Variants in AK4 observed in about 807,000 individuals in gnomAD.
The protein encoded by AK4 is adenylate kinase 4, mitochondrial.
A neutral mutation model predicts 24.6 loss-of-function variants in AK4; 13 were observed. The observed-to-expected ratio is 0.53, with a 90% CI of 0.34 to 0.84. AK4 has a LOEUF of 0.84. Among genes scored for constraint, AK4 ranks in the 40% least tolerant of loss-of-function variants. AK4 has a pLI of 0.01. For synonymous variants in AK4, 88 were observed against 107.0 expected, an observed-to-expected ratio of 0.82 and a Z score of 1.10; for missense variants, 192 against 288.2, an observed-to-expected ratio of 0.67 and a Z score of 2.42.
chr1:65,225,333 AG>A (rs1652420625), intron 4 of AK4, among the ~76,000 whole-genome samples: 1 of 152,184 alleles, frequency 6.6e-6, no homozygotes, highest in Admixed American at 6.5e-5. Flanking sequence ...TGCAGGGGCT[AG>A]GGCAGGTATT....
chr1:65,220,757 C>T (rs896790410), intron 3 of AK4, among the ~76,000 whole-genome samples: 6 of 152,118 alleles, frequency 3.9e-5, no homozygotes, highest in African/African-American at 9.7e-5. Context: ...ATGACAGGTA[C>T]GAGCCACTGC....
chr1:65,166,397 C>A (rs993250642), intron 1 of AK4, among the ~76,000 whole-genome samples: 14 of 151,662 alleles, frequency 9.2e-5, no homozygotes, highest in African/African-American at 3.1e-4. Flanking sequence ...TGTAAACCCC[C>A]TATTAGTTGT....
At chr1:65,190,370 C>T (rs1418949649) in intron 1 of AK4, among the ~76,000 whole-genome samples, 1 of 150,940 alleles carries the variant, frequency 6.6e-6, no homozygotes, top group Non-Finnish European at 1.5e-5. Flanking sequence ...TTAAGTGATC[C>T]TCCCACCTCA....
At chr1:65,206,593 GCA>G (rs1191938659) in intron 2 of AK4, among the ~76,000 whole-genome samples, 4 of 152,302 alleles carry the variant, frequency 2.6e-5, no homozygotes, top group African/African-American at 4.8e-5. Context: ...ACGTGCGTGC[GCA>G]CACACACAAA....
intron 3 of AK4, among the ~76,000 whole-genome samples, chr1:65,223,859 T>G (rs1652371241): frequency 6.6e-6 from 1 of 152,090 alleles, no homozygotes; most frequent in Non-Finnish European, 1.5e-5. Flanking sequence ...TAGCTGGGCA[T>G]GGTGGCAGGC....
intron 2 of AK4, among the ~76,000 whole-genome samples, chr1:65,207,590 T>C (rs771896447): frequency 2.6e-5 from 4 of 151,620 alleles, no homozygotes; most frequent in African/African-American, 4.9e-5. Context: ...CATTTTAGGT[T>C]TAGGGGATAC....
At position 65,173,944 on chromosome 1, in the gene AK4, G is replaced by A. The variant is rs11208602; in HGVS notation, c.146-16766G>A. Reference sequence around the variant, plus strand: ...GGGGATTAGAGTCTGGCACAAGGAAGTTGACATGGCATGTTAGACACCGGT... The same window carrying A: ...GGGGATTAGAGTCTGGCACAAGGAAATTGACATGGCATGTTAGACACCGGT... On this transcript the variant is annotated intron_variant, in intron 1 of 4. Transcript: ENST00000327299. 2.0e-5 allele frequency among the ~76,000 whole-genome samples: 3 copies of A among 151,754 alleles called. No homozygotes were observed. The East Asian group carries it at 5.8e-4, about 29-fold the overall frequency.
chr1:65,198,232 A>G lies in AK4; in HGVS notation c.265+7403A>G, dbSNP rs137996537. 2.6e-3 allele frequency among the ~76,000 whole-genome samples: 394 copies of G among 152,306 alleles called. 1 individual carries two copies. Among genetic ancestry groups the G allele is most frequent in the African/African-American group, 8.7e-3 (363 of 41,566 alleles). On this transcript the variant is annotated intron_variant, in intron 2 of 4. Coordinates refer to ENST00000327299, the MANE Select transcript of AK4 (RefSeq NM_013410.4). Reference sequence around the variant, plus strand: ...AAAGCAATTGTGGTGATTTCTAAAGAATGAAGAATAGTTGTAAAATTTGTG... The same window carrying G: ...AAAGCAATTGTGGTGATTTCTAAAGGATGAAGAATAGTTGTAAAATTTGTG...
chr1:65,161,981 T>C (rs1329041555), intron 1 of AK4, among the ~76,000 whole-genome samples: 1 of 152,042 alleles, frequency 6.6e-6, no homozygotes. Flanking sequence ...GGCACGGTGG[T>C]TCACACCTGT....
At position 65,169,632 on chromosome 1, in the gene AK4, G is replaced by A. The variant is rs552267568; in HGVS notation, c.146-21078G>A. On this transcript the variant is annotated intron_variant, in intron 1 of 4. Transcript: ENST00000327299. ...GTCCCCCAGTGAAAAGTTTAAGGGG[G>A]CACCAAAAACACTCAGTAATCAAGA... Among the ~76,000 whole-genome samples, 55 of 152,198 alleles carry A rather than the reference G, an allele frequency of 3.6e-4. No homozygotes were observed. In the Middle Eastern group the frequency reaches 0.014, roughly 38 times the overall value.
chr1:65,157,399 A>T (rs1228722907), intron 1 of AK4, among the ~76,000 whole-genome samples: 1 of 152,154 alleles, frequency 6.6e-6, no homozygotes, highest in Non-Finnish European at 1.5e-5. Context: ...GGCTTGTGGG[A>T]TGCAAAGAGG....
intron 2 of AK4, among the ~76,000 whole-genome samples, chr1:65,215,176 C>CTTTT (rs1553127383): frequency 8.7e-6 from 1 of 114,634 alleles, no homozygotes; most frequent in Non-Finnish European, 2.0e-5. Context: ...TTCTTTCTTT[C>CTTTT]TTTTTTTTTT....
intron 3 of AK4, among the ~76,000 whole-genome samples, chr1:65,219,147 T>C (rs1652221915): frequency 6.6e-6 from 1 of 151,736 alleles, no homozygotes. Flanking sequence ...AATCAAAATA[T>C]AAAAATTTTT....
At chr1:65,160,299 T>G (rs1186181972) in intron 1 of AK4, among the ~76,000 whole-genome samples, 3 of 152,214 alleles carry the variant, frequency 2.0e-5, no homozygotes, top group African/African-American at 7.2e-5. Context: ...AAGATGAAGG[T>G]GCTGGCAGGT....
intron 1 of AK4, among the ~76,000 whole-genome samples, 199 bp from the exon 2 acceptor site, chr1:65,190,511 T>C (rs1651271452): frequency 6.6e-6 from 1 of 152,106 alleles, no homozygotes; most frequent in African/African-American, 2.4e-5. Flanking sequence ...TTATAATTTT[T>C]TGGGAGATAA....
intron 2 of AK4, among the ~76,000 whole-genome samples, chr1:65,206,727 T>G (rs1311777157): frequency 6.6e-6 from 1 of 152,228 alleles, no homozygotes; most frequent in Non-Finnish European, 1.5e-5. Flanking sequence ...TGCAGTGAGC[T>G]ATGATCGCAT....
At chr1:65,181,868 C>G (rs1190983274) in intron 1 of AK4, among the ~76,000 whole-genome samples, 3 of 152,140 alleles carry the variant, frequency 2.0e-5, no homozygotes, top group Non-Finnish European at 2.9e-5. Flanking sequence ...GTTTCTCTGA[C>G]ACTTAGGGAA....
At position 65,226,104 on chromosome 1, in the gene AK4, A is replaced by T. The variant is rs754855850; in HGVS notation, c.599A>T (p.Asn200Ile). 1.9e-6 allele frequency: 3 copies of T among 1,611,626 alleles called. No individual in the cohort carries two copies. The African/African-American group carries it at 4.0e-5, about 22-fold the overall frequency. ...CACCAATTTTCCGGAACGGAGACGA[A>T]CAAAATCTGGCCCTACGTTTACACA... The part of the protein sequence containing the change: ...VLHQFSGTET[N>I]KIWPYVYTLF... Residue 200 changes from asparagine (N) to isoleucine (I), a missense_variant, in exon 5 of 5, where the codon AAC (asparagine) becomes ATC (isoleucine). Physicochemically the swap from Asn to Ile is moderately radical, Grantham distance 149 (BLOSUM62 -3). Transcript: ENST00000327299.
Position 65,227,029 on chromosome 1 carries a change from A to C in AK4, c.*852A>C, listed in dbSNP as rs1363561562. The C allele has an allele frequency of 2.1e-5, 3 of 141,504 alleles. No homozygotes were observed. The highest frequency in any genetic ancestry group is 8.1e-5 in the African/African-American group (3 of 37,224). The allele number at this position is 141,504 out of a possible 1,614,324, so 8.8% of individuals were successfully genotyped here. A position where few individuals can be genotyped will look rare whatever the true frequency, so the allele number is the denominator to read the frequency against. On this transcript the variant is annotated 3_prime_UTR_variant, in exon 5 of 5. Transcript: ENST00000327299. Reference sequence around the variant, plus strand: ...TCTTTTATTGTGAAAAAAAAAAAAAACCCTGAAAGTCTTGGGAACCCCCTA... The same window carrying C: ...TCTTTTATTGTGAAAAAAAAAAAAACCCCTGAAAGTCTTGGGAACCCCCTA...
Sources: allele counts gnomAD v4.1 joint callset (sites outside exome capture counted in the v4.1 genomes callset), GRCh38; gene constraint gnomAD v4.1.1; transcripts MANE v1.5; gene names NCBI Gene and HGNC (gene_info 2026-07-23, HGNC 2026-07-21).